The following AKAP6 variants were observed in gnomAD, a reference collection of about 807,000 sequenced individuals.
AKAP6 encodes A-kinase anchor protein 6.
A neutral mutation model predicts 188.5 loss-of-function variants in AKAP6; 58 were observed. That is an observed-to-expected ratio of 0.31 (90% CI 0.25 to 0.38). The LOEUF is 0.38. Ranked by LOEUF, AKAP6 falls within the 10% of genes least tolerant of loss-of-function variation. The pLI is 1.00. For synonymous variants in AKAP6, 989 were observed against 998.6 expected, an observed-to-expected ratio of 0.99 and a Z score of 0.18; for missense variants, 2,710 against 2,740.0, an observed-to-expected ratio of 0.99 and a Z score of 0.24.
intron 9 of AKAP6, among the ~76,000 whole-genome samples, chr14:32,724,990 T>TACAAAAAAAAAAAA (rs2030771165): frequency 2.9e-5 from 1 of 34,900 alleles, no homozygotes; most frequent in Non-Finnish European, 4.7e-5. Context: ...ATATTCAACC[T>TACAAAAAAAAAAAA]AAAAAAAAAA....
At chr14:32,466,573 TG>T (rs1329116972) in intron 2 of AKAP6, among the ~76,000 whole-genome samples, 1 of 151,432 alleles carries the variant, frequency 6.6e-6, no homozygotes, top group Non-Finnish European at 1.5e-5. Context: ...CAGAGCCTGT[TG>T]GGGGGTGGGG....
At chr14:32,530,626 G>A (rs900347320) in intron 2 of AKAP6, among the ~76,000 whole-genome samples, 2 of 152,114 alleles carry the variant, frequency 1.3e-5, no homozygotes, top group South Asian at 2.1e-4. Context: ...CAAAGAGATC[G>A]TCTCCCAGGG....
At chr14:32,736,911 T>G (rs1161601202) in intron 11 of AKAP6, among the ~76,000 whole-genome samples, 1 of 152,140 alleles carries the variant, frequency 6.6e-6, no homozygotes, top group Non-Finnish European at 1.5e-5. Flanking sequence ...CCCAATAAAC[T>G]ATCTGCATTG....
intron 7 of AKAP6, among the ~76,000 whole-genome samples, chr14:32,621,904 T>A (rs1261311825): frequency 6.6e-6 from 1 of 152,152 alleles, no homozygotes; most frequent in East Asian, 1.9e-4. Flanking sequence ...GTACTAATAC[T>A]CTAATTTTTA....
At chr14:32,734,573 C>G (rs2139837565) in intron 10 of AKAP6, 1 of 152,096 alleles carries the variant, frequency 6.6e-6, no homozygotes, top group East Asian at 1.9e-4. Flanking sequence ...CAAACTGTTC[C>G]AGAACAAAAA....
chr14:32,345,223 G>A (rs893967952), intron 1 of AKAP6, among the ~76,000 whole-genome samples: 9 of 152,108 alleles, frequency 5.9e-5, no homozygotes, highest in Admixed American at 1.3e-4. Context: ...CTCTAATACC[G>A]ATTCAGTTCA....
chr14:32,401,039 A>T (rs1392539483), intron 1 of AKAP6, among the ~76,000 whole-genome samples: 1 of 152,148 alleles, frequency 6.6e-6, no homozygotes, highest in East Asian at 1.9e-4. Context: ...AAAGGCATAG[A>T]AAAAAATGGT....
At chr14:32,616,721 C>T (rs542869492) in intron 7 of AKAP6, among the ~76,000 whole-genome samples, 55 of 152,228 alleles carry the variant, frequency 3.6e-4, no homozygotes, top group Admixed American at 1.2e-3. Flanking sequence ...GTATAACAAA[C>T]CTGCACATGT....
intron 2 of AKAP6, among the ~76,000 whole-genome samples, chr14:32,458,909 G>T (rs1891227588): frequency 6.6e-6 from 1 of 152,082 alleles, no homozygotes; most frequent in South Asian, 2.1e-4. Flanking sequence ...TAATGCAACA[G>T]ATATTAGTTT....
At chr14:32,481,726 C>A (rs1594660378) in intron 2 of AKAP6, among the ~76,000 whole-genome samples, 1 of 152,090 alleles carries the variant, frequency 6.6e-6, no homozygotes, top group East Asian at 1.9e-4. Flanking sequence ...GGGGACACAG[C>A]AAAACCATAT....
intron 4 of AKAP6, among the ~76,000 whole-genome samples, chr14:32,574,783 C>G (rs1319399046): frequency 1.3e-5 from 2 of 152,132 alleles, no homozygotes; most frequent in Non-Finnish European, 2.9e-5. Context: ...ATTTTCATCT[C>G]CCATTTATAA....
intron 2 of AKAP6, among the ~76,000 whole-genome samples, chr14:32,485,317 A>C (rs1434276785): frequency 6.6e-6 from 1 of 151,974 alleles, no homozygotes; most frequent in Non-Finnish European, 1.5e-5. Context: ...TAATCGTTTG[A>C]GTATACACCC....
chr14:32,676,236 C>T lies in AKAP6; in HGVS notation c.2731-2075C>T, dbSNP rs141124985. On this transcript the variant is annotated intron_variant, in intron 7 of 13. Coordinates refer to ENST00000280979, the MANE Select transcript of AKAP6 (RefSeq NM_004274.5). The stretch of plus-strand genomic sequence containing the variant: ...TTGTTCTTTGACTATTGCTCAATAT[C>T]TCTGTAATCTCAATTTTCTCATAAA... 2.5e-3 allele frequency among the ~76,000 whole-genome samples: 378 copies of T among 152,214 alleles called. 1 individual carries two copies. Among genetic ancestry groups the T allele is most frequent in the African/African-American group, 8.5e-3 (351 of 41,514 alleles).
chr14:32,575,620 T>C (rs1884682135), intron 4 of AKAP6, among the ~76,000 whole-genome samples: 1 of 152,186 alleles, frequency 6.6e-6, no homozygotes, highest in African/African-American at 2.4e-5. Flanking sequence ...ATCTAACCAA[T>C]TGGGATAGAT....
At chr14:32,666,566 A>G (rs1287553320) in intron 7 of AKAP6, among the ~76,000 whole-genome samples, 1 of 152,062 alleles carries the variant, frequency 6.6e-6, no homozygotes, top group Non-Finnish European at 1.5e-5. Flanking sequence ...ACTTTATTTT[A>G]TTTAAAACAT....
At position 32,517,209 on chromosome 14, in the gene AKAP6, A is replaced by T. The variant is rs1416642564; in HGVS notation, c.325-18345A>T. ...TATTTATCTTAACTTTCCTTTATGA[A>T]TTTTACCTGTATGAGCAAATAGTTG... On this transcript the variant is annotated intron_variant, in intron 2 of 13. Coordinates refer to ENST00000280979, the MANE Select transcript of AKAP6 (RefSeq NM_004274.5). Among the ~76,000 whole-genome samples, 3 of 152,232 alleles carry T rather than the reference A, an allele frequency of 2.0e-5. No homozygotes were observed. In the South Asian group the frequency reaches 6.2e-4, roughly 31 times the overall value.
chr14:32,458,381 A>G (rs112658431), intron 2 of AKAP6, among the ~76,000 whole-genome samples: 1 of 152,132 alleles, frequency 6.6e-6, no homozygotes, highest in African/African-American at 2.4e-5. Context: ...CAAAAAATTC[A>G]TGAGTGGTAA....
chr14:32,758,440 C>G (rs941053890), intron 11 of AKAP6, among the ~76,000 whole-genome samples: 2 of 151,906 alleles, frequency 1.3e-5, no homozygotes, highest in Non-Finnish European at 2.9e-5. Context: ...TGCATAGAAA[C>G]AAAAAAAATG....
rs1210627249 is a variant in AKAP6, at chr14:32,837,127, CT to C, written c.*7325del. The C allele has an allele frequency of 6.6e-6, 1 of 152,122 alleles. No homozygotes were observed. Among genetic ancestry groups the C allele is most frequent in the Non-Finnish European group, 1.5e-5 (1 of 68,004 alleles). 9.4% of individuals were successfully genotyped at this position (152,122 alleles called of 1,614,324 possible). A position where few individuals can be genotyped will look rare whatever the true frequency, so the allele number is the denominator to read the frequency against. On this transcript the variant is annotated 3_prime_UTR_variant, in exon 14 of 14. Transcript: ENST00000280979. ...ACTGTACCATTGCTCTTTCTCCCTT[CT>C]TTATTCATTTTATATGGGGACGTTT...
Sources: gnomAD v4.1 joint callset for allele counts (sites outside exome capture counted in the v4.1 genomes callset) on GRCh38, gnomAD v4.1.1 for gene constraint, MANE v1.5 for transcripts, NCBI Gene and HGNC (gene_info 2026-07-23, HGNC 2026-07-21) for gene names.